Variants in LRFN3 observed in about 807,000 individuals in gnomAD.
The protein encoded by LRFN3 is leucine-rich repeat and fibronectin type-III domain-containing protein 3.
A neutral mutation model predicts 23.8 loss-of-function variants in LRFN3; 8 were observed. The observed-to-expected ratio is 0.34, with a 90% CI of 0.20 to 0.61. The LOEUF (loss-of-function observed/expected upper bound fraction) is 0.61. Ranked by LOEUF, LRFN3 falls within the 20% of genes least tolerant of loss-of-function variation. The pLI, the probability that LRFN3 is intolerant of heterozygous loss-of-function variation, is 0.80. For missense variants in LRFN3, 736 were observed against 935.3 expected, an observed-to-expected ratio of 0.79 and a Z score of 2.78; for synonymous variants, 451 against 450.6, an observed-to-expected ratio of 1.00 and a Z score of -0.01.
intron 2 of LRFN3, among the ~76,000 whole-genome samples, chr19:35,943,631 G>C (rs1175222539): frequency 1.3e-5 from 2 of 152,082 alleles, no homozygotes; most frequent in African/African-American, 2.4e-5. Context: ...ATTGGCAAGC[G>C]TCTGGAGGAG....
chr19:35,942,118 G>A (rs761939328), intron 2 of LRFN3, among the ~76,000 whole-genome samples: 5 of 152,016 alleles, frequency 3.3e-5, no homozygotes, highest in South Asian at 4.1e-4. Context: ...TCCTGACATC[G>A]TGATCCACCC....
chr19:35,945,189 G>GGGC lies in LRFN3; in HGVS notation c.*172_*174dup. ...AAGAAAGTCCTATTTTTCCAAGCTTGGGCGAAGACCCTTGCCCTCGTCTCT... is the reference window on the plus strand; with the variant it reads ...AAGAAAGTCCTATTTTTCCAAGCTTGGGCGGCGAAGACCCTTGCCCTCGTCTCT... On this transcript the variant is annotated 3_prime_UTR_variant, in exon 3 of 3. Coordinates refer to ENST00000246529, the MANE Select transcript of LRFN3 (RefSeq NM_024509.2). The GGGC allele has an allele frequency of 2.1e-6, 1 of 480,168 alleles. No homozygotes were observed. Among genetic ancestry groups the GGGC allele is most frequent in the South Asian group, 3.6e-5 (1 of 27,944 alleles). 29.7% of individuals were successfully genotyped at this position (480,168 alleles called of 1,614,324 possible).
Position 35,940,450 on chromosome 19 carries a change from G to A in LRFN3, c.1025G>A (p.Arg342His), listed in dbSNP as rs766889812. 1.6e-5 allele frequency: 26 copies of A among 1,605,780 alleles called. No individual in the cohort carries two copies. Among genetic ancestry groups the A allele is most frequent in the African/African-American group, 6.7e-5 (5 of 75,012 alleles). Residue 342 changes from arginine to histidine, a missense_variant, in exon 2 of 3, where the codon CGT (arginine) becomes CAT (histidine). Physicochemically the swap from Arg to His is conservative, Grantham distance 29. Coordinates refer to ENST00000246529, the MANE Select transcript of LRFN3 (RefSeq NM_024509.2). ...GGCCGGCTGCTAGGCAACTCAAGCC[G>A]TGCCCGCGCCTTCCCCAATGGGACG... is the stretch of plus-strand genomic sequence containing the variant. ...PQGRLLGNSSRARAFPNGTLE... is the reference protein window; with the variant it reads ...PQGRLLGNSSHARAFPNGTLE...
chr19:35,937,468 A>G lies in LRFN3; in HGVS notation c.-104A>G, dbSNP rs1976069314. The G allele has an allele frequency of 6.5e-6, 1 of 152,692 alleles. No homozygotes were observed. The allele number at this position is 152,692 out of a possible 1,614,324, so 9.5% of individuals were successfully genotyped here. ...CTCTACAGAAGCCTTGGGGACAGGA[A>G]AAGCATGACCAGATGCTCCCTCCAG... is the stretch of plus-strand genomic sequence containing the variant. On this transcript the variant is annotated 5_prime_UTR_variant, in exon 1 of 3. Transcript: ENST00000246529.
Position 35,939,737 on chromosome 19 carries a change from C to T in LRFN3, c.312C>T (p.Ala104=), listed in dbSNP as rs1021683546. Reference sequence around the variant, plus strand: ...GCCACGTGGCTGCCGGCGCCTTCGCCGACCTGCGGGCCCTGCGTGCCCTGC... The same window carrying T: ...GCCACGTGGCTGCCGGCGCCTTCGCTGACCTGCGGGCCCTGCGTGCCCTGC... ...TIRHVAAGAF[A]DLRALRALHL... The change falls in exon 2 of 3, where the codon GCC becomes GCT. Residue 104 remains alanine, a synonymous_variant. Transcript: ENST00000246529. This position sits in a 1 kb window ranked among gnomAD's most constrained non-coding sequence, Gnocchi z 6.4. 3.2e-5 allele frequency: 52 copies of T among 1,603,548 alleles called. No individual in the cohort carries two copies. Among genetic ancestry groups the T allele is most frequent in the Non-Finnish European group, 3.8e-5 (45 of 1,178,206 alleles).
chr19:35,943,247 A>G (rs1042072361), intron 2 of LRFN3, among the ~76,000 whole-genome samples: 3 of 152,214 alleles, frequency 2.0e-5, no homozygotes, highest in Non-Finnish European at 4.4e-5. Flanking sequence ...GTAAGGATTA[A>G]AAGGAAACAA....
Position 35,940,189 on chromosome 19 carries a change from G to C in LRFN3, c.764G>C (p.Cys255Ser). 6.2e-7 allele frequency: 1 copy of C among 1,609,916 alleles called. No individual in the cohort carries two copies. Among genetic ancestry groups the C allele is most frequent in the Non-Finnish European group, 8.5e-7 (1 of 1,179,596 alleles). The change falls in exon 2 of 3, where the codon TGC becomes TCC. Residue 255 changes from cysteine to serine, a missense_variant. By Grantham distance (112) the Cys-to-Ser change is moderately radical. Coordinates refer to ENST00000246529, the MANE Select transcript of LRFN3 (RefSeq NM_024509.2). ...AFGGNPLHCNCELVWLRRLAR... is the reference protein window; with the variant it reads ...AFGGNPLHCNSELVWLRRLAR... Reference sequence around the variant, plus strand: ...GGCGGGAACCCCCTGCACTGCAACTGCGAGCTGGTGTGGCTGCGTCGCCTG... The same window carrying C: ...GGCGGGAACCCCCTGCACTGCAACTCCGAGCTGGTGTGGCTGCGTCGCCTG...
chr19:35,941,948 T>C (rs1448573670), intron 2 of LRFN3, among the ~76,000 whole-genome samples: 6 of 151,638 alleles, frequency 4.0e-5, no homozygotes, highest in South Asian at 2.1e-4. Flanking sequence ...AGTGGCACAA[T>C]CTTGACTCAC....
At chr19:35,943,623 T>C (rs1433722053) in intron 2 of LRFN3, among the ~76,000 whole-genome samples, 1 of 151,074 alleles carries the variant, frequency 6.6e-6, no homozygotes, top group Non-Finnish European at 1.5e-5. Context: ...AGAGGGAAAT[T>C]GGCAAGCGTC....
At chr19:35,938,693 G>A (rs922092275) in intron 1 of LRFN3, among the ~76,000 whole-genome samples, 1 of 152,076 alleles carries the variant, frequency 6.6e-6, no homozygotes. Context: ...GCTTTGGGCC[G>A]TTTCTGACCA....
chr19:35,945,035 TC>T lies in LRFN3; in HGVS notation c.*17del. 1.3e-5 allele frequency: 12 copies of T among 919,030 alleles called. No homozygotes were observed. The highest frequency in any genetic ancestry group is 1.7e-5 in the Non-Finnish European group (12 of 701,552). The allele number at this position is 919,030 out of a possible 1,614,324, so 56.9% of individuals were successfully genotyped here. A position where few individuals can be genotyped will look rare whatever the true frequency, so the allele number is the denominator to read the frequency against. Reference sequence around the variant, plus strand: ...GGGACCCTAGCCAGGCGCCCCCCCCTCTAAGGGTCCTCTGGCCCCACGGACA... The same window carrying T: ...GGGACCCTAGCCAGGCGCCCCCCCCTTAAGGGTCCTCTGGCCCCACGGACA... On this transcript the variant is annotated 3_prime_UTR_variant, in exon 3 of 3. Coordinates refer to ENST00000246529, the MANE Select transcript of LRFN3 (RefSeq NM_024509.2).
Position 35,939,662 on chromosome 19 carries a change from G to A in LRFN3, c.237G>A (p.Leu79=). Residue 79 remains leucine (L), a synonymous_variant, in exon 2 of 3, where the codon CTG becomes CTA. Coordinates refer to ENST00000246529, the MANE Select transcript of LRFN3 (RefSeq NM_024509.2). This position sits in a 1 kb window ranked among gnomAD's most constrained non-coding sequence, Gnocchi z 6.4. ...NFIASVRRRD[L]ANMTGLLHLS... The stretch of plus-strand genomic sequence containing the variant: ...TCGCCTCCGTGCGCCGCCGCGACCT[G>A]GCCAACATGACAGGCCTGCTGCATC... 6.2e-7 allele frequency: 1 copy of A among 1,608,190 alleles called. No homozygotes were observed. Among genetic ancestry groups the A allele is most frequent in the South Asian group, 1.1e-5 (1 of 91,030 alleles).
At chr19:35,942,283 C>T (rs1374438562) in intron 2 of LRFN3, among the ~76,000 whole-genome samples, 1 of 152,226 alleles carries the variant, frequency 6.6e-6, no homozygotes. Flanking sequence ...TCTCTTCTCT[C>T]TCCTGTTGTT....
At chr19:35,937,913 T>C (rs1259323764) in intron 1 of LRFN3, among the ~76,000 whole-genome samples, 1 of 152,024 alleles carries the variant, frequency 6.6e-6, no homozygotes, top group African/African-American at 2.4e-5. Context: ...CTGTTCCCTT[T>C]TTCTCTCTCT....
In LRFN3 at chr19:35,939,920, C is replaced by A; in HGVS notation, c.495C>A (p.Tyr165Ter). ...AETLEDLDLS[Y>*]NNLEQLPWEA... Reference sequence around the variant, plus strand: ...CACTGGAGGACCTCGACCTCTCCTACAACAACCTCGAGCAGCTGCCCTGGG... The same window carrying A: ...CACTGGAGGACCTCGACCTCTCCTAAAACAACCTCGAGCAGCTGCCCTGGG... The change falls in exon 2 of 3, where the codon TAC (tyrosine) becomes TAA (stop). Residue 165 changes from tyrosine (Y) to a stop codon, truncating the protein, a stop_gained. Coordinates refer to ENST00000246529, the MANE Select transcript of LRFN3 (RefSeq NM_024509.2). LOFTEE classifies it high-confidence loss of function. This position sits in a 1 kb window ranked among gnomAD's most constrained non-coding sequence, Gnocchi z 6.4. 6.2e-7 allele frequency: 1 copy of A among 1,604,708 alleles called. No individual in the cohort carries two copies.
chr19:35,937,618 G>A (rs965019878), intron 1 of LRFN3, 63 bp downstream of exon 1: 3 of 152,702 alleles, frequency 2.0e-5, no homozygotes, highest in East Asian at 1.9e-4. Context: ...TGCGGGTTAC[G>A]GTACCAGGTA....
chr19:35,939,636 A>G lies in LRFN3; in HGVS notation c.211A>G (p.Ile71Val). The part of the protein sequence containing the change: ...AAELRLADNF[I>V]ASVRRRDLAN... ...CGAGCTGCGGCTGGCAGACAACTTCATCGCCTCCGTGCGCCGCCGCGACCT... is the reference window on the plus strand; with the variant it reads ...CGAGCTGCGGCTGGCAGACAACTTCGTCGCCTCCGTGCGCCGCCGCGACCT... The change falls in exon 2 of 3, where the codon ATC becomes GTC. Residue 71 changes from isoleucine (I) to valine (V), a missense_variant. Physicochemically the swap from Ile to Val is conservative, Grantham distance 29 (BLOSUM62 3). Transcript: ENST00000246529. This position sits in a 1 kb window ranked among gnomAD's most constrained non-coding sequence, Gnocchi z 6.4. The G allele has an allele frequency of 6.2e-7, 1 of 1,608,920 alleles. No individual in the cohort carries two copies. Among genetic ancestry groups the G allele is most frequent in the Non-Finnish European group, 8.5e-7 (1 of 1,179,382 alleles).
intron 1 of LRFN3, among the ~76,000 whole-genome samples, chr19:35,938,225 C>T (rs151163751): frequency 2.0e-5 from 3 of 152,108 alleles, no homozygotes; most frequent in Non-Finnish European, 4.4e-5. Context: ...TGCCCTCCTC[C>T]CACCCCTGAC....
chr19:35,944,973 T>C lies in LRFN3; in HGVS notation c.1841T>C (p.Leu614Pro). The change falls in exon 3 of 3, where the codon CTG becomes CCG. Residue 614 changes from leucine to proline, a missense_variant. Physicochemically the swap from Leu to Pro is moderately conservative, Grantham distance 98. This residue lies in a region of LRFN3 where 290 missense variants were observed against 287.4 expected (regional missense o/e 1.01). Transcript: ENST00000246529. This position sits in a 1 kb window ranked among gnomAD's most constrained non-coding sequence, Gnocchi z 4.5. ...AALRAHTVVQLDCEPWGPGHE... is the reference protein window; with the variant it reads ...AALRAHTVVQPDCEPWGPGHE... ...CTCAGGGCCCACACCGTGGTCCAGC[T>C]GGACTGCGAGCCCTGGGGGCCCGGC... is the stretch of plus-strand genomic sequence containing the variant. The C allele has an allele frequency of 7.1e-7, 1 of 1,417,802 alleles. No individual in the cohort carries two copies. The highest frequency in any genetic ancestry group is 1.5e-5 in the South Asian group (1 of 65,502). The allele number at this position is 1,417,802 out of a possible 1,614,324, so 87.8% of individuals were successfully genotyped here. A position where few individuals can be genotyped will look rare whatever the true frequency, so the allele number is the denominator to read the frequency against.
Sources: allele counts gnomAD v4.1 joint callset (sites outside exome capture counted in the v4.1 genomes callset), GRCh38; gene constraint gnomAD v4.1.1; regional missense constraint gnomAD v4.1.1; non-coding constraint Gnocchi (gnomAD v3.1); transcripts MANE v1.5; gene names NCBI Gene and HGNC (gene_info 2026-07-23, HGNC 2026-07-21).